Variants in AKAP8 observed in about 807,000 individuals in gnomAD.
The protein encoded by AKAP8 is A-kinase anchor protein 8.
Under a neutral mutation model 67.5 loss-of-function variants are expected in AKAP8, and 24 were observed. The observed-to-expected ratio is 0.36, with a 90% CI of 0.26 to 0.50. The LOEUF (loss-of-function observed/expected upper bound fraction) is 0.50, where lower values mean the gene tolerates loss of function less well. AKAP8 is among the 20% of genes least tolerant of loss of function. The pLI, the probability that AKAP8 is intolerant of heterozygous loss-of-function variation, is 0.97. For synonymous variants in AKAP8, 400 were observed against 371.1 expected, an observed-to-expected ratio of 1.08 and a Z score of -0.90; for missense variants, 971 against 955.9, an observed-to-expected ratio of 1.02 and a Z score of -0.21.
intron 8 of AKAP8, chr19:15,368,776 T>C: frequency 2.0e-6 from 2 of 985,346 alleles, no homozygotes; most frequent in Non-Finnish European, 2.4e-6. Context: ...AGGTGGACTG[T>C]GACGAGCGTC....
rs765576072 is a variant in AKAP8, at chr19:15,355,213, G to T, written c.1781C>A (p.Ala594Glu). ...AAVRAVDGEG[A>E]PAPESSGEPA... is the part of the protein sequence containing the mutation. ...CTCCCCGCTGCTCTCTGGAGCGGGC[G>T]CTCCTTCCCCATCTACGGCCCTCAC... Residue 594 changes from alanine (A) to glutamate (E), a missense_variant, in exon 14 of 14, where the codon GCG becomes GAG. Coordinates refer to ENST00000269701, the MANE Select transcript of AKAP8 (RefSeq NM_005858.4). The T allele has an allele frequency of 1.2e-6, 2 of 1,611,144 alleles. No individual in the cohort carries two copies. The highest frequency in any genetic ancestry group is 3.3e-5 in the Admixed American group (2 of 59,996).
rs2048268035 is a variant in AKAP8 at position 15,355,026 on chromosome 19, C to T, written c.1968G>A (p.Met656Ile). Residue 656 changes from methionine to isoleucine, a missense_variant, in exon 14 of 14, where the codon ATG becomes ATA. Transcript: ENST00000269701. ...TTTGGGCACTTTCTGCCTCTGCTGC[C>T]ATTGTCTCGGCGCCATTTCCAGCCT... The part of the protein sequence containing the change: ...AAEAGNGAET[M>I]AAEAESAQTR... The T allele has an allele frequency of 6.2e-7, 1 of 1,614,156 alleles. No individual in the cohort carries two copies. Among genetic ancestry groups the T allele is most frequent in the Non-Finnish European group, 8.5e-7 (1 of 1,180,042 alleles).
chr19:15,355,696 C>T (rs561643004), intron 13 of AKAP8, among the ~76,000 whole-genome samples: 9 of 151,718 alleles, frequency 5.9e-5, no homozygotes, highest in Non-Finnish European at 1.2e-4. Context: ...CCTCCCAAAG[C>T]GCTGCGATTA....
rs1235260055 is a variant in AKAP8 at position 15,354,334 on chromosome 19, G to GT, written c.*580dup. ...TGAGGTTGCGGTGGGTGTGTTTCCA[G>GT]TGGCGTAGGTCGGTCAGATACTTCT... On this transcript the variant is annotated 3_prime_UTR_variant, in exon 14 of 14. Coordinates refer to ENST00000269701, the MANE Select transcript of AKAP8 (RefSeq NM_005858.4). 1 of 154,764 alleles carries GT rather than the reference G, an allele frequency of 6.5e-6. No individual in the cohort carries two copies. The highest frequency in any genetic ancestry group is 1.4e-5 in the Non-Finnish European group (1 of 69,634). The allele number at this position is 154,764 out of a possible 1,614,324, so 9.6% of individuals were successfully genotyped here. A position where few individuals can be genotyped will look rare whatever the true frequency, so the allele number is the denominator to read the frequency against.
chr19:15,374,888 C>T (rs1967225989), intron 2 of AKAP8, among the ~76,000 whole-genome samples: 1 of 152,220 alleles, frequency 6.6e-6, no homozygotes, highest in South Asian at 2.1e-4. Context: ...ACGCCGCACG[C>T]TCCCCAGGAA....
chr19:15,361,268 G>GTTTC (rs34744036), intron 11 of AKAP8, among the ~76,000 whole-genome samples: 123,710 of 151,410 alleles, frequency 0.82, 51,018 homozygotes, highest in East Asian at 0.99. Context: ...ACATCCGAAG[G>GTTTC]TTTCTTTCCA....
In AKAP8 at chr19:15,369,121, T is replaced by A. The variant is rs1390603039; in HGVS notation, c.1073-799A>T. On this transcript the variant is annotated intron_variant, in intron 8 of 13. Transcript: ENST00000269701. The surrounding 1 kb of genome is among the most constrained non-coding windows in gnomAD (Gnocchi z 4.6). The stretch of plus-strand genomic sequence containing the variant: ...GAAGATGGCGACCGGCGTGCGCTGC[T>A]CAGAAGCCTCTCAAAAGGGCGTGTG... 2.0e-6 allele frequency: 2 copies of A among 985,434 alleles called. No homozygotes were observed. The highest frequency in any genetic ancestry group is 2.4e-6 in the Non-Finnish European group (2 of 829,970). The allele number at this position is 985,434 out of a possible 1,614,324, so 61.0% of individuals were successfully genotyped here.
At position 15,373,967 on chromosome 19, in the gene AKAP8, TGGCCTTGGCGGCCTCCCACGA is replaced by T. The variant is rs1568254151; in HGVS notation, c.169_189del (p.Ser57_Ala63del). The T allele has an allele frequency of 8.7e-6, 14 of 1,613,712 alleles. No individual in the cohort carries two copies. The Middle Eastern group carries it at 5.0e-4, about 57-fold the overall frequency. ...GCCCCGGCCGCCAGGCCGCCATCAT[TGGCCTTGGCGGCCTCCCACGA>T]GGCTGGGCCGTAGCTGTAGGTTGCG... is the stretch of plus-strand genomic sequence containing the variant. On this transcript the variant is annotated inframe_deletion, in exon 4 of 14. Transcript: ENST00000269701.
chr19:15,374,743 T>A, intron 2 of AKAP8, 108 bp from the exon 3 acceptor site: 1 of 1,303,210 alleles, frequency 7.7e-7, no homozygotes. Context: ...AGGGCTTCCC[T>A]CCGCAGCGCT....
chr19:15,355,568 T>C (rs2048272981), intron 13 of AKAP8, among the ~76,000 whole-genome samples, 198 bp from the exon 14 acceptor site: 1 of 152,052 alleles, frequency 6.6e-6, no homozygotes, highest in Non-Finnish European at 1.5e-5. Context: ...GCAATTTTTT[T>C]TTTTTTTGAG....
intron 11 of AKAP8, 35 bp downstream of exon 11, chr19:15,361,694 T>A (rs1177668388): frequency 2.6e-6 from 4 of 1,567,214 alleles, no homozygotes; most frequent in Non-Finnish European, 3.5e-6. Flanking sequence ...CTTACTACCA[T>A]CCAGGAAAGC....
chr19:15,372,253 G>A lies in AKAP8; in HGVS notation c.956C>T (p.Ala319Val), dbSNP rs749125058. The stretch of plus-strand genomic sequence containing the variant: ...GAAATCTCCTTCACTGTCAACCCGG[G>A]CCAGTTTGGTGTCTGGCTCCTCGTA... ...QLYEEPDTKL[A>V]RVDSEGDFSE... is the part of the protein sequence containing the mutation. Residue 319 changes from alanine to valine, a missense_variant, in exon 6 of 14, where the codon GCC becomes GTC. This residue lies in a region of AKAP8 where 763 missense variants were observed against 745.4 expected (regional missense o/e 1.02). Coordinates refer to ENST00000269701, the MANE Select transcript of AKAP8 (RefSeq NM_005858.4). 1.2e-6 allele frequency: 2 copies of A among 1,614,168 alleles called. No homozygotes were observed. The highest frequency in any genetic ancestry group is 1.3e-5 in the African/African-American group (1 of 75,022).
intron 6 of AKAP8, 94 bp downstream of exon 6, chr19:15,372,124 C>T (rs941049029): frequency 1.2e-5 from 20 of 1,607,058 alleles, no homozygotes; most frequent in South Asian, 3.3e-5. Context: ...ATGCCACCTG[C>T]GAGTGTCCAC....
At chr19:15,373,586 A>C (rs1035727273) in intron 4 of AKAP8, 200 bp downstream of exon 4, 11 of 910,542 alleles carry the variant, frequency 1.2e-5, no homozygotes, top group African/African-American at 3.4e-5. Context: ...CTTAGCCAAC[A>C]ACCACGCCCA....
rs369791431 is a variant in AKAP8 at position 15,372,977 on chromosome 19, C to T, written c.735G>A (p.Pro245=). The change falls in exon 5 of 14, where the codon CCG becomes CCA. Residue 245 remains proline (P), a synonymous_variant. Transcript: ENST00000269701. The part of the protein sequence containing the change: ...LGGPSPSRPP[P]SLFSQSMAPD... ...GAGCCATGGACTGGGAGAAGAGGGA[C>T]GGAGGTGGCCGGCTGGGGGAGGGCC... 5.8e-5 allele frequency: 90 copies of T among 1,563,292 alleles called. No individual in the cohort carries two copies. Among genetic ancestry groups the T allele is most frequent in the Non-Finnish European group, 7.1e-5 (82 of 1,154,482 alleles).
intron 12 of AKAP8, 21 bp from the exon 13 acceptor site, chr19:15,359,083 G>C (rs1184350867): frequency 6.2e-7 from 1 of 1,607,240 alleles, no homozygotes; most frequent in Non-Finnish European, 8.5e-7. Flanking sequence ...AACCAAATGT[G>C]AGCTCTTAAA....
chr19:15,365,246 C>A (rs943785496), intron 9 of AKAP8, among the ~76,000 whole-genome samples: 1 of 152,214 alleles, frequency 6.6e-6, no homozygotes. Context: ...TACGTGCAGA[C>A]AAAACACCTC....
chr19:15,373,160 A>G lies in AKAP8; in HGVS notation c.552T>C (p.Asp184=), dbSNP rs756939806. 3.7e-6 allele frequency: 6 copies of G among 1,613,450 alleles called. No individual in the cohort carries two copies. Among genetic ancestry groups the G allele is most frequent in the Middle Eastern group, 1.6e-4 (1 of 6,062 alleles). ...CCTGGCCCCGGCCCCGCATGAAGCC[A>G]TCAAGGGAGCCCCGCTCCCGGGCTG... is the stretch of plus-strand genomic sequence containing the variant. ...RDPARERGSL[D]GFMRGRGQGR... The change falls in exon 5 of 14, where the codon GAT becomes GAC. Residue 184 remains aspartate (D), a synonymous_variant. Transcript: ENST00000269701.
Position 15,362,311 on chromosome 19 carries a change from G to A in AKAP8, c.1161-60C>T, listed in dbSNP as rs1336581157. ...GGAGCATCAGCGAGTGAAGCAGGGG[G>A]CATCAGCTCACCTCTGAGGAGAGCT... On this transcript the variant is annotated intron_variant, in intron 9 of 13. Coordinates refer to ENST00000269701, the MANE Select transcript of AKAP8 (RefSeq NM_005858.4). 7.5e-6 allele frequency: 12 copies of A among 1,589,450 alleles called. No individual in the cohort carries two copies. The Admixed American group carries it at 1.2e-4, about 16-fold the overall frequency.
Sources: gnomAD v4.1 joint callset for allele counts (sites outside exome capture counted in the v4.1 genomes callset) on GRCh38, gnomAD v4.1.1 for gene constraint, gnomAD v4.1.1 regional missense constraint, Gnocchi (gnomAD v3.1) non-coding constraint, MANE v1.5 for transcripts, NCBI Gene and HGNC (gene_info 2026-07-23, HGNC 2026-07-21) for gene names.